Variants in CDC14B observed in about 807,000 individuals in gnomAD.
CDC14B encodes dual specificity protein phosphatase CDC14B.
In CDC14B, 22 loss-of-function variants were observed where a neutral mutation model predicts 64.2. The ratio of observed to expected loss-of-function variants is 0.34; its 90% CI spans 0.24 to 0.49. The LOEUF (loss-of-function observed/expected upper bound fraction) is 0.49, where lower values mean the gene tolerates loss of function less well. Ranked by LOEUF, CDC14B falls within the 20% of genes least tolerant of loss-of-function variation. The pLI, the probability that CDC14B is intolerant of heterozygous loss-of-function variation, is 0.99. For synonymous variants in CDC14B, 191 were observed against 215.8 expected (o/e 0.89, Z 1.01); for missense variants, 498 against 629.9 (o/e 0.79, Z 2.24).
In CDC14B at chr9:96,599,872, C is replaced by T. The variant is rs371754798; in HGVS notation, c.160+19347G>A. On this transcript the variant is annotated intron_variant, in intron 1 of 13. Transcript: ENST00000375241. ...TCACCCTCCCAAGTAGCTGGGACTACAGGCGCATGCCACCACACCCAACTA... is the reference window on the plus strand; with the variant it reads ...TCACCCTCCCAAGTAGCTGGGACTATAGGCGCATGCCACCACACCCAACTA... Among the ~76,000 whole-genome samples the T allele has an allele frequency of 1.4e-3, 206 of 152,174 alleles. 2 individuals are homozygous for T. Among genetic ancestry groups the T allele is most frequent in the African/African-American group, 4.6e-3 (192 of 41,532 alleles).
chr9:96,570,150 T>C (rs1022694685), intron 1 of CDC14B, among the ~76,000 whole-genome samples: 1 of 152,274 alleles, frequency 6.6e-6, no homozygotes. Flanking sequence ...AATTTGTCTG[T>C]AGGTCTGATT....
chr9:96,536,998 A>T (rs564924059), intron 7 of CDC14B, among the ~76,000 whole-genome samples: 1 of 152,260 alleles, frequency 6.6e-6, no homozygotes, highest in Admixed American at 6.5e-5. Flanking sequence ...GTTTTTAAGA[A>T]ATTTTGTGTG....
chr9:96,525,478 T>C lies in CDC14B; in HGVS notation c.947-1753A>G, dbSNP rs139687118. Among the ~76,000 whole-genome samples the C allele has an allele frequency of 2.5e-3, 379 of 150,404 alleles. 2 individuals are homozygous for C. Among genetic ancestry groups the C allele is most frequent in the African/African-American group, 8.8e-3 (359 of 40,956 alleles). On this transcript the variant is annotated intron_variant, in intron 9 of 13. Transcript: ENST00000375241. Reference sequence around the variant, plus strand: ...AGCTCAGGGAAGGCCTGCCTACTCCTTGATTTCACAGGGTAGGGCCACCTC... The same window carrying C: ...AGCTCAGGGAAGGCCTGCCTACTCCCTGATTTCACAGGGTAGGGCCACCTC...
At chr9:96,561,572 G>A (rs1045785402) in intron 4 of CDC14B, among the ~76,000 whole-genome samples, 8 of 151,974 alleles carry the variant, frequency 5.3e-5, no homozygotes, top group Admixed American at 1.3e-4. Context: ...TCCACCTCCC[G>A]GGTTCACGAC....
chr9:96,508,276 A>C (rs1160983861), intron 13 of CDC14B, among the ~76,000 whole-genome samples: 1 of 152,150 alleles, frequency 6.6e-6, no homozygotes, highest in Non-Finnish European at 1.5e-5. Flanking sequence ...TCCGCCTCCC[A>C]AAGTGCTGGG....
chr9:96,600,240 T>TTATATA (rs376489232), intron 1 of CDC14B, among the ~76,000 whole-genome samples: 185 of 147,930 alleles, frequency 1.3e-3, no homozygotes, highest in African/African-American at 4.3e-3. Flanking sequence ...ACCAAAAAAA[T>TTATATA]TATATATATA....
At chr9:96,561,156 C>T (rs148609854) in intron 4 of CDC14B, among the ~76,000 whole-genome samples, 2,553 of 152,192 alleles carry the variant, frequency 0.017, 72 homozygotes, top group African/African-American at 0.058. Flanking sequence ...AGGCTGGTCT[C>T]GTACACCTGA....
intron 4 of CDC14B, among the ~76,000 whole-genome samples, chr9:96,552,101 C>T (rs749988531): frequency 5.9e-5 from 9 of 152,204 alleles, no homozygotes; most frequent in Non-Finnish European, 8.8e-5. Flanking sequence ...CAACTCTTCA[C>T]AGCAACCTTT....
At chr9:96,552,545 T>C (rs184289090) in intron 4 of CDC14B, among the ~76,000 whole-genome samples, 47 of 152,352 alleles carry the variant, frequency 3.1e-4, no homozygotes, top group African/African-American at 9.4e-4. Flanking sequence ...GTAGGATTTT[T>C]GGTCTGCAGT....
rs551559277 is a variant in CDC14B at position 96,605,155 on chromosome 9, C to G, written c.160+14064G>C. Among the ~76,000 whole-genome samples, 6 of 151,676 alleles carry G rather than the reference C, an allele frequency of 4.0e-5. No homozygotes were observed. The South Asian group carries it at 1.3e-3, about 32-fold the overall frequency. On this transcript the variant is annotated intron_variant, in intron 1 of 13. Transcript: ENST00000375241. ...TGAGAGGGAACCAGCTAAGAACTTA[C>G]AATAATAGCACTAAGAGCACAGAGG... is the stretch of plus-strand genomic sequence containing the variant.
chr9:96,564,640 G>A (rs2132309358), intron 3 of CDC14B, 137 bp downstream of exon 3: 1 of 526,194 alleles, frequency 1.9e-6, no homozygotes, highest in Non-Finnish European at 3.4e-6. Flanking sequence ...TATAAAACAA[G>A]AAAACCATGT....
At chr9:96,537,824 G>A (rs1201345769) in intron 7 of CDC14B, among the ~76,000 whole-genome samples, 1 of 152,096 alleles carries the variant, frequency 6.6e-6, no homozygotes, top group Non-Finnish European at 1.5e-5. Context: ...CCGGGTTCAA[G>A]TGATTCTCCT....
chr9:96,509,871 T>A, intron 12 of CDC14B, 82 bp from the exon 13 acceptor site: 1 of 802,186 alleles, frequency 1.2e-6, no homozygotes, highest in Non-Finnish European at 2.0e-6. Context: ...TTTTTGCACT[T>A]TAGTGCAAAT....
At position 96,515,337 on chromosome 9, in the gene CDC14B, G is replaced by GGAAGAAAAACTGTTTCAGT. The variant is rs16912150; in HGVS notation, c.1344-5567_1344-5549dup. Among the ~76,000 whole-genome samples, 18,920 of 151,696 alleles carry GGAAGAAAAACTGTTTCAGT rather than the reference G, an allele frequency of 0.12. 1,610 individuals carry two copies. The highest frequency in any genetic ancestry group is 0.28 in the East Asian group (1,451 of 5,118). Reference sequence around the variant, plus strand: ...ATCCTAAGCTAACTACTTTTGATAGGGAAGAAAAACTGTTTCAGTGAAGAA... The same window carrying GGAAGAAAAACTGTTTCAGT: ...ATCCTAAGCTAACTACTTTTGATAGGGAAGAAAAACTGTTTCAGTGAAGAAAAACTGTTTCAGTGAAGAA... On this transcript the variant is annotated intron_variant, in intron 12 of 13. Coordinates refer to ENST00000375241, the MANE Select transcript of CDC14B (RefSeq NM_033331.4). The surrounding 1 kb of genome is among the most constrained non-coding windows in gnomAD (Gnocchi z 4.3).
intron 1 of CDC14B, among the ~76,000 whole-genome samples, chr9:96,582,558 G>T (rs1381070794): frequency 6.6e-6 from 1 of 152,210 alleles, no homozygotes; most frequent in Admixed American, 6.5e-5. Flanking sequence ...CAGTAGGGTG[G>T]ATGCGTCAAG....
chr9:96,605,627 G>A (rs974767103), intron 1 of CDC14B, among the ~76,000 whole-genome samples: 2 of 152,140 alleles, frequency 1.3e-5, no homozygotes, highest in African/African-American at 4.8e-5. Context: ...CTGGATCCTT[G>A]ACTCAGCATC....
chr9:96,568,025 T>A (rs966935341), intron 1 of CDC14B, among the ~76,000 whole-genome samples: 1 of 152,162 alleles, frequency 6.6e-6, no homozygotes, highest in Admixed American at 6.5e-5. Context: ...GTGAAAAAAA[T>A]TGAAATCCCA....
At chr9:96,570,192 T>G (rs1844389201) in intron 1 of CDC14B, among the ~76,000 whole-genome samples, 1 of 152,224 alleles carries the variant, frequency 6.6e-6, no homozygotes, top group Non-Finnish European at 1.5e-5. Context: ...GACTACCTCT[T>G]CCTTTAGCAA....
chr9:96,603,216 GAC>G (rs1846628374), intron 1 of CDC14B, among the ~76,000 whole-genome samples: 1 of 150,880 alleles, frequency 6.6e-6, no homozygotes, highest in African/African-American at 2.4e-5. Flanking sequence ...TCTCTGGTAA[GAC>G]ACACAAGAGG....
Sources: gnomAD v4.1 joint callset for allele counts (sites outside exome capture counted in the v4.1 genomes callset) on GRCh38, gnomAD v4.1.1 for gene constraint, Gnocchi (gnomAD v3.1) non-coding constraint, MANE v1.5 for transcripts, NCBI Gene and HGNC (gene_info 2026-07-23, HGNC 2026-07-21) for gene names.